TGM3: variants seen among roughly 807,000 people sequenced by gnomAD.
The protein encoded by TGM3 is protein-glutamine gamma-glutamyltransferase E.
Under a neutral mutation model 73.8 loss-of-function variants are expected in TGM3, and 52 were observed. The ratio of observed to expected loss-of-function variants is 0.70; its 90% CI spans 0.56 to 0.89. The LOEUF (loss-of-function observed/expected upper bound fraction) is 0.89. TGM3 is among the 40% of genes least tolerant of loss of function. The pLI is 0.00. For synonymous variants in TGM3, 372 were observed against 354.9 expected (o/e 1.05, Z -0.54); for missense variants, 928 against 909.9 (o/e 1.02, Z -0.26).
intron 1 of TGM3, among the ~76,000 whole-genome samples, chr20:2,303,428 G>C (rs2084161680): frequency 6.6e-6 from 1 of 152,084 alleles, no homozygotes; most frequent in Non-Finnish European, 1.5e-5. Context: ...AATGGAGTTG[G>C]GGGATTCTTT....
chr20:2,300,173 A>AAGAAAG (rs1267362787), intron 1 of TGM3, among the ~76,000 whole-genome samples: 31 of 151,374 alleles, frequency 2.0e-4, no homozygotes, highest in Middle Eastern at 3.4e-3. Flanking sequence ...AAGGAAGGAA[A>AAGAAAG]AGAAAGAGAA....
At chr20:2,315,163 C>G (rs755990489) in intron 5 of TGM3, among the ~76,000 whole-genome samples, 1 of 152,156 alleles carries the variant, frequency 6.6e-6, no homozygotes, top group Admixed American at 6.5e-5. Flanking sequence ...GTGAGGCCAG[C>G]GGCTCCTGCA....
rs183595117 is a variant in TGM3 at position 2,322,483 on chromosome 20, A to C, written c.984-3366A>C. ...CTATGTCATTAAAAAATCTTCAAAA[A>C]TAAGATCATTTCAAATACGTCGTAA... On this transcript the variant is annotated intron_variant, in intron 7 of 12. Transcript: ENST00000381458. Among the ~76,000 whole-genome samples the C allele has an allele frequency of 3.0e-3, 460 of 152,306 alleles. 1 individual carries two copies. The highest frequency in any genetic ancestry group is 8.0e-3 in the Admixed American group (122 of 15,296).
intron 7 of TGM3, among the ~76,000 whole-genome samples, chr20:2,318,249 C>T (rs1456805252): frequency 6.6e-6 from 1 of 152,132 alleles, no homozygotes; most frequent in Non-Finnish European, 1.5e-5. Flanking sequence ...GAACTCCTGA[C>T]CTCAGGCCAT....
At chr20:2,339,273 G>GGT (rs2084367517) in intron 11 of TGM3, among the ~76,000 whole-genome samples, 2 of 152,204 alleles carry the variant, frequency 1.3e-5, no homozygotes, top group African/African-American at 4.8e-5. Context: ...GGGCCTCCCA[G>GGT]AGACGGAGGT....
intron 1 of TGM3, among the ~76,000 whole-genome samples, chr20:2,300,606 G>T (rs214780): frequency 0.44 from 67,428 of 152,086 alleles, 15,599 homozygotes; most frequent in South Asian, 0.5. Flanking sequence ...GTCTGGGCTT[G>T]AGTCCAGCCT....
intron 1 of TGM3, among the ~76,000 whole-genome samples, chr20:2,304,735 G>A (rs112187491): frequency 6.6e-6 from 1 of 152,136 alleles, no homozygotes; most frequent in African/African-American, 2.4e-5. Flanking sequence ...CACCCACCGG[G>A]TGTCCTACCC....
chr20:2,301,634 A>G (rs1384458891), intron 1 of TGM3, among the ~76,000 whole-genome samples: 3 of 151,984 alleles, frequency 2.0e-5, no homozygotes. Flanking sequence ...GTATGTAAAG[A>G]CTATTAGATA....
rs773069124 is a variant in TGM3, at chr20:2,325,873, C to T, written c.1008C>T (p.Gly336=). The T allele has an allele frequency of 5.1e-6, 8 of 1,575,046 alleles. No homozygotes were observed. The South Asian group carries it at 7.0e-5, about 14-fold the overall frequency. The part of the protein sequence containing the change: ...SVWNFHVWNE[G]WFVRSDLGPS... ...GGAATTTCCATGTCTGGAATGAAGG[C>T]TGGTTTGTGAGGTCTGACCTGGGCC... Residue 336 remains glycine (G), a synonymous_variant, in exon 8 of 13, where the codon GGC becomes GGT. Transcript: ENST00000381458.
At chr20:2,325,262 C>T (rs571136395) in intron 7 of TGM3, among the ~76,000 whole-genome samples, 67 of 152,198 alleles carry the variant, frequency 4.4e-4, no homozygotes, top group Admixed American at 3.5e-3. Flanking sequence ...TGGCTGTGCC[C>T]GGTGAGGGGT....
chr20:2,324,295 G>A (rs184549624), intron 7 of TGM3, among the ~76,000 whole-genome samples: 76 of 150,998 alleles, frequency 5.0e-4, no homozygotes, highest in East Asian at 1.7e-3. Context: ...CCTTTATTTC[G>A]TTGAGCCTCG....
At chr20:2,338,343 C>A (rs1458237377) in intron 11 of TGM3, among the ~76,000 whole-genome samples, 1 of 151,160 alleles carries the variant, frequency 6.6e-6, no homozygotes, top group South Asian at 2.1e-4. Flanking sequence ...GAGTGGTAAG[C>A]GGCATTAAAA....
At chr20:2,323,913 T>C (rs1355302992) in intron 7 of TGM3, among the ~76,000 whole-genome samples, 1 of 152,254 alleles carries the variant, frequency 6.6e-6, no homozygotes, top group Non-Finnish European at 1.5e-5. Flanking sequence ...GTTTTTCTTT[T>C]TCTATTTCTT....
intron 1 of TGM3, among the ~76,000 whole-genome samples, chr20:2,307,397 C>A (rs1422168219): frequency 6.6e-6 from 1 of 152,192 alleles, no homozygotes; most frequent in Non-Finnish European, 1.5e-5. Context: ...CCACGCAGCG[C>A]CCCTGCTCCA....
At chr20:2,319,864 C>T (rs2084253939) in intron 7 of TGM3, among the ~76,000 whole-genome samples, 1 of 152,254 alleles carries the variant, frequency 6.6e-6, no homozygotes, top group African/African-American at 2.4e-5. Flanking sequence ...TGCTGTGAGG[C>T]TTGCGCAAGG....
At chr20:2,326,699 T>C (rs1306602953) in intron 8 of TGM3, among the ~76,000 whole-genome samples, 1 of 151,606 alleles carries the variant, frequency 6.6e-6, no homozygotes, top group Admixed American at 6.6e-5. Context: ...AAATACAAAA[T>C]TAGTCGGGCA....
At chr20:2,300,459 G>T (rs563187257) in intron 1 of TGM3, among the ~76,000 whole-genome samples, 3 of 152,276 alleles carry the variant, frequency 2.0e-5, no homozygotes, top group African/African-American at 7.2e-5. Flanking sequence ...CTCTCCTTTT[G>T]CCCTGACCAT....
chr20:2,329,879 T>C (rs1443697651), intron 9 of TGM3, among the ~76,000 whole-genome samples: 4 of 152,228 alleles, frequency 2.6e-5, no homozygotes, highest in Non-Finnish European at 4.4e-5. Context: ...TTTATCAATT[T>C]GAACCTCTAT....
intron 9 of TGM3, among the ~76,000 whole-genome samples, chr20:2,331,111 G>A (rs184223631): frequency 4.9e-4 from 75 of 151,932 alleles, no homozygotes; most frequent in Non-Finnish European, 7.9e-4. Flanking sequence ...GTGGGAGAAT[G>A]TAAGTGTGGT....
Sources: gnomAD v4.1 joint callset for allele counts (sites outside exome capture counted in the v4.1 genomes callset) on GRCh38, gnomAD v4.1.1 for gene constraint, MANE v1.5 for transcripts, NCBI Gene and HGNC (gene_info 2026-07-23, HGNC 2026-07-21) for gene names.